The following DCLK2 variants were observed in gnomAD, a reference collection of about 807,000 sequenced individuals.
DCLK2 encodes the protein doublecortin like kinase 2.
DCLK2 carries 31 observed loss-of-function variants against 78.4 expected under a neutral mutation model. That is an observed-to-expected ratio of 0.40 (90% confidence interval 0.30 to 0.53). The LOEUF is 0.53. DCLK2 is among the 20% of genes least tolerant of loss of function. The probability of loss-of-function intolerance (pLI) is 0.61; values close to 1 mark genes in which losing one functional copy is unlikely to be tolerated. For missense variants in DCLK2, 872 were observed against 973.7 expected (o/e 0.90, Z 1.39); for synonymous variants, 407 against 374.9 (o/e 1.09, Z -0.99).
intron 2 of DCLK2, among the ~76,000 whole-genome samples, chr4:150,116,744 A>T (rs1373841342): frequency 1.3e-5 from 2 of 152,172 alleles, no homozygotes; most frequent in Admixed American, 1.3e-4. Context: ...AGTAGTAATG[A>T]ACTGGTTATG....
chr4:150,110,767 A>G (rs544257134), intron 2 of DCLK2, among the ~76,000 whole-genome samples: 1 of 152,340 alleles, frequency 6.6e-6, no homozygotes, highest in Admixed American at 6.5e-5. Flanking sequence ...TACTACAGGT[A>G]GAAGAATGGC....
chr4:150,219,284 TTAAG>T (rs937141532), intron 5 of DCLK2, among the ~76,000 whole-genome samples: 9 of 148,006 alleles, frequency 6.1e-5, no homozygotes, highest in African/African-American at 2.3e-4. Flanking sequence ...TTTTTTTTTT[TTAAG>T]AAGGAGTTTC....
At chr4:150,237,823 C>G (rs1742621953) in intron 10 of DCLK2, among the ~76,000 whole-genome samples, 1 of 152,140 alleles carries the variant, frequency 6.6e-6, no homozygotes, top group Non-Finnish European at 1.5e-5. Context: ...ACAAAGCAAA[C>G]TATGCTTAAA....
chr4:150,245,064 A>T (rs946957090), intron 12 of DCLK2, among the ~76,000 whole-genome samples: 17 of 151,974 alleles, frequency 1.1e-4, no homozygotes, highest in African/African-American at 4.1e-4. Flanking sequence ...TTCTAACATC[A>T]TATGTTGGAG....
intron 8 of DCLK2, among the ~76,000 whole-genome samples, chr4:150,231,788 G>C (rs12513356): frequency 0.054 from 8,207 of 152,252 alleles, 325 homozygotes; most frequent in East Asian, 0.2. Flanking sequence ...TCTGGTGAAT[G>C]ATTTCATATC....
intron 2 of DCLK2, among the ~76,000 whole-genome samples, chr4:150,125,916 A>G (rs1006103933): frequency 2.6e-5 from 4 of 152,100 alleles, no homozygotes; most frequent in Non-Finnish European, 5.9e-5. Flanking sequence ...AAAACCCACA[A>G]TAAAAATAGT....
chr4:150,100,903 T>C (rs1324654291), intron 1 of DCLK2, among the ~76,000 whole-genome samples: 1 of 152,192 alleles, frequency 6.6e-6, no homozygotes, highest in East Asian at 1.9e-4. Context: ...TCCCCAGTTA[T>C]CTTGGGCAGT....
chr4:150,121,381 G>A (rs549213882), intron 2 of DCLK2, among the ~76,000 whole-genome samples: 3 of 152,156 alleles, frequency 2.0e-5, no homozygotes, highest in Non-Finnish European at 4.4e-5. Flanking sequence ...TCTATTCCAG[G>A]AGTAGATTCC....
intron 15 of DCLK2, chr4:150,253,500 T>G: frequency 7.8e-7 from 1 of 1,289,682 alleles, no homozygotes; most frequent in Non-Finnish European, 1.0e-6. Flanking sequence ...GAGAGGCACC[T>G]CAGAGTTTCC....
chr4:150,253,284 G>C (rs1580813604), intron 15 of DCLK2: 1 of 601,764 alleles, frequency 1.7e-6, no homozygotes, highest in Non-Finnish European at 3.0e-6. Flanking sequence ...AGTGGAAATA[G>C]TGTCAACCGT....
At position 150,097,799 on chromosome 4, in the gene DCLK2, T is replaced by G. The variant is rs368458961; in HGVS notation, c.422-4679T>G. On this transcript the variant is annotated intron_variant, in intron 1 of 15. Transcript: ENST00000296550. ...TCTATACAGAAACCAAAACCCTCTTTGTATATAGTACTCATATGATCGGGA... is the reference window on the plus strand; with the variant it reads ...TCTATACAGAAACCAAAACCCTCTTGGTATATAGTACTCATATGATCGGGA... Among the ~76,000 whole-genome samples the G allele has an allele frequency of 2.6e-4, 39 of 152,276 alleles. No homozygotes were observed. In the Middle Eastern group the frequency reaches 0.014, roughly 53 times the overall value.
intron 2 of DCLK2, among the ~76,000 whole-genome samples, chr4:150,127,528 T>G (rs1288090809): frequency 6.6e-6 from 1 of 152,236 alleles, no homozygotes; most frequent in Non-Finnish European, 1.5e-5. Context: ...AGTTGGAGTC[T>G]GTGTCCTTTG....
intron 1 of DCLK2, among the ~76,000 whole-genome samples, chr4:150,097,788 A>C (rs1355880990): frequency 6.6e-6 from 1 of 152,136 alleles, no homozygotes; most frequent in Non-Finnish European, 1.5e-5. Flanking sequence ...TACAGAAACC[A>C]AAACCCTCTT....
chr4:150,153,025 A>G (rs1735004108), intron 2 of DCLK2, among the ~76,000 whole-genome samples: 1 of 152,250 alleles, frequency 6.6e-6, no homozygotes, highest in Non-Finnish European at 1.5e-5. Context: ...GAGTTGGAAC[A>G]TTTAAAGCAG....
At chr4:150,164,690 T>C (rs1419019769) in intron 2 of DCLK2, among the ~76,000 whole-genome samples, 1 of 152,084 alleles carries the variant, frequency 6.6e-6, no homozygotes, top group Non-Finnish European at 1.5e-5. Flanking sequence ...TCCCAGCTAC[T>C]TGGGAGGCTG....
chr4:150,212,536 A>C (rs963829074), intron 5 of DCLK2, among the ~76,000 whole-genome samples: 3 of 152,224 alleles, frequency 2.0e-5, no homozygotes, highest in African/African-American at 7.2e-5. Flanking sequence ...TGGTGACTTC[A>C]TCTTTCCATA....
At chr4:150,193,973 A>G (rs1738667947) in intron 3 of DCLK2, among the ~76,000 whole-genome samples, 2 of 148,526 alleles carry the variant, frequency 1.3e-5, no homozygotes, top group Non-Finnish European at 3.0e-5. Context: ...GCTAGTCTTG[A>G]ATTCCTGGCC....
intron 2 of DCLK2, among the ~76,000 whole-genome samples, chr4:150,122,551 G>C (rs1209484241): frequency 6.6e-6 from 1 of 152,092 alleles, no homozygotes; most frequent in African/African-American, 2.4e-5. Context: ...GGAGTTGAAC[G>C]ATAAGAACAC....
chr4:150,102,908 A>C (rs1001978579), intron 2 of DCLK2, 96 bp downstream of exon 2: 12 of 1,175,030 alleles, frequency 1.0e-5, no homozygotes, highest in Admixed American at 2.7e-5. Context: ...GTAGTGTGCT[A>C]GAAATCCTTC....
Sources: gnomAD v4.1 joint callset for allele counts (sites outside exome capture counted in the v4.1 genomes callset) on GRCh38, gnomAD v4.1.1 for gene constraint, MANE v1.5 for transcripts, NCBI Gene and HGNC (gene_info 2026-07-23, HGNC 2026-07-21) for gene names.